RGS3: variants seen among roughly 807,000 people sequenced by gnomAD.
RGS3 encodes regulator of G-protein signalling 3.
A neutral mutation model predicts 132.6 loss-of-function variants in RGS3; 80 were observed. The ratio of observed to expected loss-of-function variants is 0.60; its 90% CI spans 0.50 to 0.73. RGS3 has a LOEUF of 0.73. Ranked by LOEUF, RGS3 falls within the 30% of genes least tolerant of loss-of-function variation. The pLI is 0.00. For synonymous variants in RGS3, 598 were observed against 620.6 expected, an observed-to-expected ratio of 0.96 and a Z score of 0.54; for missense variants, 1,382 against 1,530.8, an observed-to-expected ratio of 0.90 and a Z score of 1.62.
intron 20 of RGS3, 107 bp downstream of exon 18, chr9:113,584,534 G>C: frequency 7.9e-7 from 1 of 1,272,592 alleles, no homozygotes; most frequent in African/African-American, 1.5e-5. Context: ...CACTATCCTG[G>C]CAGCCTCCCA....
At chr9:113,464,092 G>A (rs934946350) in intron 3 of RGS3, among the ~76,000 whole-genome samples, 4 of 152,232 alleles carry the variant, frequency 2.6e-5, no homozygotes, top group East Asian at 1.9e-4. Context: ...CCTGCTGCCC[G>A]GCCATGAGTG....
At chr9:113,528,599 C>T (rs926923562) in intron 17 of RGS3, among the ~76,000 whole-genome samples, 2 of 152,182 alleles carry the variant, frequency 1.3e-5, no homozygotes, top group Non-Finnish European at 2.9e-5. Context: ...CAGTTGCTGA[C>T]AGCCCTCCCA....
chr9:113,469,458 T>C (rs1275067161), intron 3 of RGS3, among the ~76,000 whole-genome samples: 3 of 152,234 alleles, frequency 2.0e-5, no homozygotes, highest in Non-Finnish European at 4.4e-5. Flanking sequence ...CCTCAAAGTT[T>C]CTGGCCCATA....
exon 18 of RGS3, chr9:113,529,247 G>C: frequency 1.2e-6 from 2 of 1,613,426 alleles, no homozygotes; most frequent in Non-Finnish European, 1.7e-6. Flanking sequence ...GAAATTCTGC[G>C]TGCTCTATCT....
Position 113,463,681 on chromosome 9 carries a change from C to T in RGS3, c.415+1480C>T, listed in dbSNP as rs1306238878. ...AGGGCCGGGCGCGCCCTGGCCGTTC[C>T]AACGCTTGGGGCAGCCCTACCTCCC... On this transcript the variant is annotated intron_variant, in intron 3 of 24. Coordinates refer to ENST00000350696, the Ensembl canonical transcript of RGS3. The surrounding 1 kb of genome is among the most constrained non-coding windows in gnomAD (Gnocchi z 4.6). 4 of 1,408,664 alleles carry T rather than the reference C, an allele frequency of 2.8e-6. No individual in the cohort carries two copies. The Admixed American group carries it at 1.3e-4, about 45-fold the overall frequency. The allele number at this position is 1,408,664 out of a possible 1,614,324, so 87.3% of individuals were successfully genotyped here.
At chr9:113,594,358 C>T (rs1835631682) in intron 21 of RGS3, 72 bp from the exon 20 acceptor site, 2 of 1,597,680 alleles carry the variant, frequency 1.3e-6, no homozygotes, top group Non-Finnish European at 1.7e-6. Context: ...CTCGACCCAG[C>T]TCTCCCGACT....
At chr9:113,574,917 G>GCTCTCAA (rs1179758737) in intron 19 of RGS3, among the ~76,000 whole-genome samples, 2 of 152,160 alleles carry the variant, frequency 1.3e-5, no homozygotes, top group African/African-American at 4.8e-5. Context: ...GAACCCCCCT[G>GCTCTCAA]CTCTCAACTC....
intron 1 of RGS3, among the ~76,000 whole-genome samples, chr9:113,450,895 C>T (rs1048687242): frequency 4.6e-5 from 7 of 151,726 alleles, no homozygotes; most frequent in African/African-American, 1.7e-4. Context: ...TAAGGGGTCC[C>T]CAGGCCGGGC....
chr9:113,498,789 C>T (rs192431131), intron 10 of RGS3, among the ~76,000 whole-genome samples: 14 of 151,874 alleles, frequency 9.2e-5, no homozygotes, highest in Admixed American at 7.9e-4. Flanking sequence ...TGGTGCTGGG[C>T]GTCTGTAGTC....
chr9:113,510,103 C>T (rs1009261023), intron 14 of RGS3, among the ~76,000 whole-genome samples: 5 of 152,022 alleles, frequency 3.3e-5, no homozygotes, highest in South Asian at 2.1e-4. Context: ...ATCCTTCCCC[C>T]GAAGTCTGCA....
chr9:113,547,795 T>G (rs1312321919), intron 19 of RGS3, among the ~76,000 whole-genome samples: 1 of 152,254 alleles, frequency 6.6e-6, no homozygotes, highest in African/African-American at 2.4e-5. Context: ...TTCATCACCT[T>G]TAGTACCTAC....
chr9:113,494,896 A>G lies in RGS3; in HGVS notation c.690-890A>G, dbSNP rs144723465. Among the ~76,000 whole-genome samples, 33 of 151,456 alleles carry G rather than the reference A, an allele frequency of 2.2e-4. No individual in the cohort carries two copies. In the East Asian group the frequency reaches 6.2e-3, roughly 28 times the overall value. On this transcript the variant is annotated intron_variant, in intron 7 of 24. Coordinates refer to ENST00000350696, the Ensembl canonical transcript of RGS3. ...CTTCTTCTTCTTCTTTTTTTTTGAG[A>G]TGGAGTCTTGGCTCTGTCACCCAGG...
intron 1 of RGS3, among the ~76,000 whole-genome samples, chr9:113,448,913 G>C (rs929944408): frequency 1.3e-5 from 2 of 152,188 alleles, no homozygotes; most frequent in Non-Finnish European, 2.9e-5. Flanking sequence ...GAAGATGTTT[G>C]TGGAGGTGGC....
At chr9:113,596,044 G>A (rs1835759916) in intron 24 of RGS3, among the ~76,000 whole-genome samples, 1 of 152,344 alleles carries the variant, frequency 6.6e-6, no homozygotes, top group South Asian at 2.1e-4. Flanking sequence ...CCTGTGAAAC[G>A]AAGAGACAGG....
intron 1 of RGS3, among the ~76,000 whole-genome samples, chr9:113,453,019 T>A (rs551472624): frequency 1.2e-4 from 16 of 132,356 alleles, no homozygotes; most frequent in East Asian, 2.0e-4. Flanking sequence ...TATTATATTT[T>A]ATATATAATA....
intron 15 of RGS3, among the ~76,000 whole-genome samples, chr9:113,516,350 T>G (rs992255538): frequency 1.3e-5 from 2 of 151,998 alleles, no homozygotes; most frequent in Non-Finnish European, 2.9e-5. Flanking sequence ...TGTCTAATTT[T>G]CTTTCTTTTT....
Position 113,579,080 on chromosome 9 carries a change from C to T in RGS3, c.2038-4370C>T, listed in dbSNP as rs1183429740. On this transcript the variant is annotated intron_variant, in intron 19 of 24. Coordinates refer to ENST00000350696, the Ensembl canonical transcript of RGS3. The surrounding 1 kb of genome is among the most constrained non-coding windows in gnomAD (Gnocchi z 4.3). ...ACAGAGGCAAACCCCAGTTTACACC[C>T]CCCCAGTGCAGGAAGTGGTTTTCGA... Among the ~76,000 whole-genome samples, 2 of 152,162 alleles carry T rather than the reference C, an allele frequency of 1.3e-5. No individual in the cohort carries two copies. Among genetic ancestry groups the T allele is most frequent in the African/African-American group, 4.8e-5 (2 of 41,434 alleles).
chr9:113,461,952 G>A (rs1274946775), intron 2 of RGS3: 62 of 1,593,670 alleles, frequency 3.9e-5, no homozygotes, highest in Non-Finnish European at 5.2e-5. Context: ...TTCCTACTGG[G>A]AGTGAACACA....
At chr9:113,488,146 G>A (rs961477400) in intron 7 of RGS3, among the ~76,000 whole-genome samples, 1 of 152,194 alleles carries the variant, frequency 6.6e-6, no homozygotes, top group East Asian at 1.9e-4. Context: ...ATATTTAGGA[G>A]ATTAAATCAG....
Sources: allele counts gnomAD v4.1 joint callset (sites outside exome capture counted in the v4.1 genomes callset), GRCh38; gene constraint gnomAD v4.1.1; non-coding constraint Gnocchi (gnomAD v3.1); transcripts MANE v1.5; gene names NCBI Gene and HGNC (gene_info 2026-07-23, HGNC 2026-07-21).